CLSTN2: variants seen among roughly 807,000 people sequenced by gnomAD.
CLSTN2 encodes calsyntenin 2.
A neutral mutation model predicts 101.2 loss-of-function variants in CLSTN2; 48 were observed. That is an observed-to-expected ratio of 0.47 (90% CI 0.38 to 0.60). CLSTN2 has a LOEUF of 0.60. Ranked by LOEUF, CLSTN2 falls within the 20% of genes least tolerant of loss-of-function variation. The pLI, the probability that CLSTN2 is intolerant of heterozygous loss-of-function variation, is 0.00. For missense variants in CLSTN2, 1,160 were observed against 1,238.2 expected, an observed-to-expected ratio of 0.94 and a Z score of 0.95; for synonymous variants, 481 against 463.6, an observed-to-expected ratio of 1.04 and a Z score of -0.48.
At chr3:140,331,806 C>T (rs1171714821) in intron 2 of CLSTN2, among the ~76,000 whole-genome samples, 1 of 152,208 alleles carries the variant, frequency 6.6e-6, no homozygotes, top group Non-Finnish European at 1.5e-5. Context: ...ACTCATTCTT[C>T]TTCCTGTAAG....
intron 2 of CLSTN2, among the ~76,000 whole-genome samples, chr3:140,261,211 G>A (rs1268357019): frequency 1.3e-5 from 2 of 150,908 alleles, no homozygotes; most frequent in Non-Finnish European, 3.0e-5. Context: ...TATTTGTAAT[G>A]TTTCTGCCCA....
chr3:140,071,095 T>G (rs1181896224), intron 1 of CLSTN2, among the ~76,000 whole-genome samples: 2 of 152,080 alleles, frequency 1.3e-5, no homozygotes, highest in Admixed American at 6.6e-5. Flanking sequence ...AGACAAATAG[T>G]TCAGTGCAAC....
intron 1 of CLSTN2, among the ~76,000 whole-genome samples, chr3:140,135,781 TG>T (rs1229791019): frequency 6.6e-6 from 1 of 152,194 alleles, no homozygotes; most frequent in Non-Finnish European, 1.5e-5. Flanking sequence ...AGGGTACCTT[TG>T]TTATGAGAGT....
chr3:140,434,192 A>G (rs563678758), intron 5 of CLSTN2, among the ~76,000 whole-genome samples: 6 of 152,276 alleles, frequency 3.9e-5, no homozygotes, highest in African/African-American at 1.2e-4. Flanking sequence ...TTCTCCCCAC[A>G]TCTACCTCCC....
intron 1 of CLSTN2, among the ~76,000 whole-genome samples, chr3:140,060,897 C>A (rs534296206): frequency 2.4e-4 from 37 of 152,232 alleles, no homozygotes; most frequent in Non-Finnish European, 1.2e-4. Context: ...TTGTGCCAAG[C>A]CAAGCAAATC....
In CLSTN2 at chr3:140,520,201, G is replaced by A. The variant is rs191703483; in HGVS notation, c.1345-12123G>A. On this transcript the variant is annotated intron_variant, in intron 8 of 16. Transcript: ENST00000458420. ...TAGTCTGATGGGTTTCCCTTTGTAGGTGACCTGGCCTTTCTCTCTGACTGC... is the reference window on the plus strand; with the variant it reads ...TAGTCTGATGGGTTTCCCTTTGTAGATGACCTGGCCTTTCTCTCTGACTGC... Among the ~76,000 whole-genome samples the A allele has an allele frequency of 3.8e-4, 58 of 152,308 alleles. 1 individual carries two copies. In the East Asian group the frequency reaches 0.01, roughly 27 times the overall value.
intron 2 of CLSTN2, among the ~76,000 whole-genome samples, chr3:140,284,919 C>A (rs1395435785): frequency 6.6e-6 from 1 of 152,016 alleles, no homozygotes; most frequent in Non-Finnish European, 1.5e-5. Context: ...CTGCCAACCC[C>A]CACCTCTCAC....
intron 1 of CLSTN2, among the ~76,000 whole-genome samples, chr3:140,037,997 C>T (rs1271027674): frequency 6.6e-6 from 1 of 152,152 alleles, no homozygotes; most frequent in African/African-American, 2.4e-5. Flanking sequence ...AATAGTGCTG[C>T]AATGAACATA....
At chr3:140,171,692 A>AATATG (rs2010222960) in intron 1 of CLSTN2, among the ~76,000 whole-genome samples, 1 of 104,244 alleles carries the variant, frequency 9.6e-6, no homozygotes, top group Non-Finnish European at 1.8e-5. Context: ...TATAATATAT[A>AATATG]TTAATATATA....
rs116916893 is a variant in CLSTN2, at chr3:140,521,282, G to A, written c.1345-11042G>A. ...CATCTTTGTGGGCTTTTCTACCTTC[G>A]ATCTTTGAGGTTGCTGACCTTTGAA... On this transcript the variant is annotated intron_variant, in intron 8 of 16. Transcript: ENST00000458420. Among the ~76,000 whole-genome samples the A allele has an allele frequency of 7.1e-3, 1,074 of 152,172 alleles. 43 individuals carry two copies. In the East Asian group the frequency reaches 0.099, roughly 14 times the overall value.
chr3:140,428,452 T>C (rs2088596018), intron 5 of CLSTN2, among the ~76,000 whole-genome samples: 1 of 152,296 alleles, frequency 6.6e-6, no homozygotes, highest in Admixed American at 6.5e-5. Context: ...CCGGAGACTT[T>C]CCTTGTGGGC....
At chr3:140,524,758 TG>T (rs1935102032) in intron 8 of CLSTN2, among the ~76,000 whole-genome samples, 1 of 152,266 alleles carries the variant, frequency 6.6e-6, no homozygotes, top group East Asian at 1.9e-4. Flanking sequence ...CTCTCAAGAC[TG>T]CAATGCAGCA....
At chr3:140,131,305 A>AT (rs34582203) in intron 1 of CLSTN2, among the ~76,000 whole-genome samples, 111,465 of 150,654 alleles carry the variant, frequency 0.74, 43,108 homozygotes, top group East Asian at 0.92. Context: ...TTTCTTTATG[A>AT]TTTTTTTTTA....
chr3:140,045,645 G>A (rs535719764), intron 1 of CLSTN2, among the ~76,000 whole-genome samples: 1 of 152,136 alleles, frequency 6.6e-6, no homozygotes, highest in Non-Finnish European at 1.5e-5. Context: ...GCTTTCTCTT[G>A]TGGGCATTTA....
At chr3:140,177,184 C>T (rs886286082) in intron 2 of CLSTN2, among the ~76,000 whole-genome samples, 2 of 152,182 alleles carry the variant, frequency 1.3e-5, no homozygotes, top group East Asian at 3.8e-4. Flanking sequence ...ATGAAAACCA[C>T]TAAGGGTACC....
intron 2 of CLSTN2, among the ~76,000 whole-genome samples, chr3:140,314,015 T>C (rs114974950): frequency 6.6e-6 from 1 of 152,162 alleles, no homozygotes. Flanking sequence ...AAGGAAATGA[T>C]GTGCTTTGTG....
chr3:140,081,387 TTG>T, intron 1 of CLSTN2, among the ~76,000 whole-genome samples: 1 of 152,350 alleles, frequency 6.6e-6, no homozygotes, highest in South Asian at 2.1e-4. Flanking sequence ...TTTTGCATGT[TTG>T]TCATTAGTAT....
chr3:140,349,339 A>G (rs1445187531), intron 2 of CLSTN2, among the ~76,000 whole-genome samples: 1 of 152,188 alleles, frequency 6.6e-6, no homozygotes, highest in Admixed American at 6.5e-5. Context: ...TGTTTTCTTC[A>G]TTTTATATCA....
chr3:140,260,345 T>C (rs1376580916), intron 2 of CLSTN2, among the ~76,000 whole-genome samples: 2 of 152,024 alleles, frequency 1.3e-5, no homozygotes, highest in Admixed American at 6.6e-5. Context: ...ATATTAGAAG[T>C]AGGGTTTTCC....
Sources: gnomAD v4.1 joint callset for allele counts (sites outside exome capture counted in the v4.1 genomes callset) on GRCh38, gnomAD v4.1.1 for gene constraint, MANE v1.5 for transcripts, NCBI Gene and HGNC (gene_info 2026-07-23, HGNC 2026-07-21) for gene names.